The following OR7A5 variants were observed in gnomAD, a reference collection of about 807,000 sequenced individuals.
OR7A5 encodes the protein olfactory receptor family 7 subfamily A member 5.
For synonymous variants in OR7A5, 140 were observed against 146.7 expected (o/e 0.95, Z 0.33); for missense variants, 319 against 377.9 (o/e 0.84, Z 1.29).
At chr19:14,830,010 G>A (rs937504473) in intron 1 of OR7A5, among the ~76,000 whole-genome samples, 1 of 152,162 alleles carries the variant, frequency 6.6e-6, no homozygotes, top group African/African-American at 2.4e-5. Flanking sequence ...CCACAGCCAT[G>A]TGCCGCCACC....
chr19:14,827,982 GTCTGGATGTTCA>G lies in OR7A5; in HGVS notation c.248_259del (p.Met83_Gln86del), dbSNP rs762138681. Reference sequence around the variant, plus strand: ...TATGTAGGTGATGACTTTGTTCTGTGTCTGGATGTTCATCAGCATTTTTGGAATGGTGGTGGA... The same window carrying G: ...TATGTAGGTGATGACTTTGTTCTGTGTCAGCATTTTTGGAATGGTGGTGGA... On this transcript the variant is annotated inframe_deletion, in exon 2 of 2. Coordinates refer to ENST00000322301, the MANE Select transcript of OR7A5 (RefSeq NM_017506.2). 1 of 1,614,184 alleles carries G rather than the reference GTCTGGATGTTCA, an allele frequency of 6.2e-7. No individual in the cohort carries two copies. Among genetic ancestry groups the G allele is most frequent in the Non-Finnish European group, 8.5e-7 (1 of 1,180,038 alleles).
chr19:14,827,343 G>A lies in OR7A5; in HGVS notation c.899C>T (p.Ala300Val), dbSNP rs138862455. 1.5e-4 allele frequency: 236 copies of A among 1,595,118 alleles called. No individual in the cohort carries two copies. In the African/African-American group the frequency reaches 2.7e-3, roughly 18 times the overall value. The change falls in exon 2 of 2, where the codon GCT becomes GTT. Residue 300 changes from alanine to valine, a missense_variant. By Grantham distance (64) the Ala-to-Val change is moderately conservative. Coordinates refer to ENST00000322301, the MANE Select transcript of OR7A5 (RefSeq NM_017506.2). ...YSLRNKDIKR[A>V]LGIHLLWGTM... ...TCCCCACAACAAATGTATTCCCAGA[G>A]CCCTCTTTATGTCTTTATTCCTCAG...
At position 14,826,422 on chromosome 19, in the gene OR7A5, C is replaced by A. The variant is rs1276985098; in HGVS notation, c.*860G>T. The A allele has an allele frequency of 6.6e-6, 1 of 152,058 alleles. No homozygotes were observed. The highest frequency in any genetic ancestry group is 2.4e-5 in the African/African-American group (1 of 41,392). 9.4% of individuals were successfully genotyped at this position (152,058 alleles called of 1,614,324 possible). On this transcript the variant is annotated 3_prime_UTR_variant, in exon 2 of 2. Coordinates refer to ENST00000322301, the MANE Select transcript of OR7A5 (RefSeq NM_017506.2). ...TAGAAGGATTCGTATTTGTAGGGAG[C>A]ACTAAAAATTTTGAAGCAAAAACAG... is the stretch of plus-strand genomic sequence containing the variant.
At chr19:14,834,033 G>A (rs117023941) in intron 1 of OR7A5, among the ~76,000 whole-genome samples, 2,169 of 125,504 alleles carry the variant, frequency 0.017, 25 homozygotes, top group East Asian at 0.039. Context: ...GCTGAGGCAA[G>A]TAAATTGCTT....
rs946987246 is a variant in OR7A5, at chr19:14,832,393, CCCTT to C, written c.-14+2677_-14+2680del. Among the ~76,000 whole-genome samples the C allele has an allele frequency of 2.0e-5, 3 of 146,822 alleles. No homozygotes were observed. The East Asian group carries it at 6.2e-4, about 30-fold the overall frequency. ...TTTTTCCCTCCTTCCCTCCCTCCCT[CCCTT>C]CCTTCCTTCTCTCTCTCTTTCTTTC... On this transcript the variant is annotated intron_variant, in intron 1 of 1. Transcript: ENST00000322301.
At chr19:14,828,298 C>T (rs979213779) in intron 1 of OR7A5, 44 bp from the exon 2 acceptor site, 1 of 1,509,572 alleles carries the variant, frequency 6.6e-7, no homozygotes, top group African/African-American at 1.4e-5. Flanking sequence ...GACAGGCATG[C>T]ATTGCTAACC....
intron 1 of OR7A5, among the ~76,000 whole-genome samples, chr19:14,829,455 G>C (rs570388419): frequency 6.6e-6 from 1 of 152,270 alleles, no homozygotes; most frequent in Non-Finnish European, 1.5e-5. Flanking sequence ...CGCTCACCTC[G>C]GCCTCCCAAA....
At chr19:14,834,609 A>G (rs1318366474) in intron 1 of OR7A5, among the ~76,000 whole-genome samples, 1 of 152,232 alleles carries the variant, frequency 6.6e-6, no homozygotes, top group Non-Finnish European at 1.5e-5. Flanking sequence ...CTGCTGTTGC[A>G]AAATGGTATT....
At chr19:14,834,508 C>T (rs982740086) in intron 1 of OR7A5, among the ~76,000 whole-genome samples, 2 of 152,150 alleles carry the variant, frequency 1.3e-5, no homozygotes, top group Non-Finnish European at 2.9e-5. Flanking sequence ...AAGTACAGCT[C>T]ATTAGTACAT....
chr19:14,829,989 A>C (rs1045946875), intron 1 of OR7A5, among the ~76,000 whole-genome samples: 2 of 152,160 alleles, frequency 1.3e-5, no homozygotes, highest in Admixed American at 6.5e-5. Context: ...CAGCCTCCCA[A>C]GTAGTTGGGA....
intron 1 of OR7A5, among the ~76,000 whole-genome samples, chr19:14,830,352 C>G (rs146156692): frequency 7.2e-5 from 11 of 152,088 alleles, no homozygotes; most frequent in African/African-American, 2.7e-4. Context: ...ATTAAACAGA[C>G]CCCAGTAAGG....
rs2044795968 is a variant in OR7A5, at chr19:14,828,342, A to C, written c.-13-88T>G. The stretch of plus-strand genomic sequence containing the variant: ...ATACCATCATTTATATTTTATAGCC[A>C]ATAAATTATCTTACATTTTGTGTAT... On this transcript the variant is annotated intron_variant, in intron 1 of 1. Coordinates refer to ENST00000322301, the MANE Select transcript of OR7A5 (RefSeq NM_017506.2). 3 of 1,282,598 alleles carry C rather than the reference A, an allele frequency of 2.3e-6. No homozygotes were observed. The Admixed American group carries it at 7.2e-5, about 31-fold the overall frequency. 79.5% of individuals were successfully genotyped at this position (1,282,598 alleles called of 1,614,324 possible).
At position 14,827,083 on chromosome 19, in the gene OR7A5, A is replaced by G; in HGVS notation, c.*199T>C. 1 of 457,382 alleles carries G rather than the reference A, an allele frequency of 2.2e-6. No homozygotes were observed. Among genetic ancestry groups the G allele is most frequent in the South Asian group, 8.0e-5 (1 of 12,456 alleles). 28.3% of individuals were successfully genotyped at this position (457,382 alleles called of 1,614,324 possible). A position where few individuals can be genotyped will look rare whatever the true frequency, so the allele number is the denominator to read the frequency against. On this transcript the variant is annotated 3_prime_UTR_variant, in exon 2 of 2. Coordinates refer to ENST00000322301, the MANE Select transcript of OR7A5 (RefSeq NM_017506.2). ...ATAACCTTGAGAAAGTAGGAAAACA[A>G]CAAAGAGAAAAAACTGTTGGATATC...
In OR7A5 at chr19:14,828,050, G is replaced by A; in HGVS notation, c.192C>T (p.Ser64=). 2 of 1,614,206 alleles carry A rather than the reference G, an allele frequency of 1.2e-6. No individual in the cohort carries two copies. The highest frequency in any genetic ancestry group is 1.7e-6 in the Non-Finnish European group (2 of 1,180,040). The change falls in exon 2 of 2, where the codon TCC becomes TCT. Residue 64 remains serine, a synonymous_variant. Transcript: ENST00000322301. The part of the protein sequence containing the change: ...HLHTPMYFFL[S]NLSFADICVT... ...CACAAATGTCAGCAAAGGACAGGTT[G>A]GAGAGGAAGAAGTACATGGGGGTGT...
In OR7A5 at chr19:14,827,804, T is replaced by C. The variant is rs2190686; in HGVS notation, c.438A>G (p.Leu146=). 0.43 allele frequency: 696,499 copies of C among 1,613,794 alleles called. 155,242 individuals are homozygous for C. The highest frequency in any genetic ancestry group is 0.66 in the East Asian group (29,784 of 44,882). ...MNPHLCGLLV[L]ASWTMSALYS... The stretch of plus-strand genomic sequence containing the variant: ...ACAGAGCACTCATGGTCCAGGATGC[T>C]AGAACCAGCAGTCCACAGAGGTGAG... The change falls in exon 2 of 2, where the codon CTA becomes CTG. Residue 146 remains leucine, a synonymous_variant. Transcript: ENST00000322301.
chr19:14,828,936 CGAATATAAACAAATTAAACA>C (rs2044803898), intron 1 of OR7A5, among the ~76,000 whole-genome samples: 1 of 77,424 alleles, frequency 1.3e-5, no homozygotes, highest in Admixed American at 1.5e-4. Context: ...ATTAAACAAT[CGAATATAAACAAATTAAACA>C]ATCACATAAT....
At chr19:14,831,018 T>C (rs890455147) in intron 1 of OR7A5, among the ~76,000 whole-genome samples, 2 of 152,240 alleles carry the variant, frequency 1.3e-5, no homozygotes, top group South Asian at 4.1e-4. Context: ...CTCCTTGCAG[T>C]CAGCTCCTTT....
In OR7A5 at chr19:14,826,980, A is replaced by G. The variant is rs2044773765; in HGVS notation, c.*302T>C. The G allele has an allele frequency of 4.4e-6, 1 of 225,924 alleles. No homozygotes were observed. The highest frequency in any genetic ancestry group is 9.5e-5 in the East Asian group (1 of 10,474). 14.0% of individuals were successfully genotyped at this position (225,924 alleles called of 1,614,324 possible). A position where few individuals can be genotyped will look rare whatever the true frequency, so the allele number is the denominator to read the frequency against. On this transcript the variant is annotated 3_prime_UTR_variant, in exon 2 of 2. Transcript: ENST00000322301. The stretch of plus-strand genomic sequence containing the variant: ...TTACCCCAATTGCCAAGTGTAGTCT[A>G]TGCCACAGGAGACATACAACTCTTC...
Position 14,835,138 on chromosome 19 carries a change from T to C in OR7A5, c.-78A>G, listed in dbSNP as rs2044872287. On this transcript the variant is annotated 5_prime_UTR_variant, in exon 1 of 2. Coordinates refer to ENST00000322301, the MANE Select transcript of OR7A5 (RefSeq NM_017506.2). ...TGCAAATTCCTCACTGGATGATTGA[T>C]GGTGGAGACTGAAGCTCTGCTCAGC... is the stretch of plus-strand genomic sequence containing the variant. 6.8e-6 allele frequency: 1 copy of C among 147,894 alleles called. No individual in the cohort carries two copies. Among genetic ancestry groups the C allele is most frequent in the Non-Finnish European group, 1.5e-5 (1 of 65,986 alleles). 9.2% of individuals were successfully genotyped at this position (147,894 alleles called of 1,614,324 possible).
Sources: gnomAD v4.1 joint callset for allele counts (sites outside exome capture counted in the v4.1 genomes callset) on GRCh38, gnomAD v4.1.1 for gene constraint, MANE v1.5 for transcripts, NCBI Gene and HGNC (gene_info 2026-07-23, HGNC 2026-07-21) for gene names.